Variants in ANKIB1 observed in about 807,000 individuals in gnomAD.
ANKIB1 encodes the protein ankyrin repeat and IBR domain containing 1.
A neutral mutation model predicts 122.1 loss-of-function variants in ANKIB1; 43 were observed. The ratio of observed to expected loss-of-function variants is 0.35; its 90% confidence interval spans 0.28 to 0.45. The LOEUF (loss-of-function observed/expected upper bound fraction) is 0.45. Ranked by LOEUF, ANKIB1 falls within the 20% of genes least tolerant of loss-of-function variation. The pLI is 1.00. For synonymous variants in ANKIB1, 390 were observed against 442.0 expected (o/e 0.88, Z 1.48); for missense variants, 992 against 1,329.5 (o/e 0.75, Z 3.95).
At chr7:92,377,808 GA>G (rs1240347151) in intron 11 of ANKIB1, among the ~76,000 whole-genome samples, 1 of 151,996 alleles carries the variant, frequency 6.6e-6, no homozygotes, top group African/African-American at 2.4e-5. Flanking sequence ...CATAGAAGGG[GA>G]AAAAAGTTTT....
At chr7:92,315,418 G>A (rs1415814227) in intron 3 of ANKIB1, among the ~76,000 whole-genome samples, 1 of 152,130 alleles carries the variant, frequency 6.6e-6, no homozygotes, top group Non-Finnish European at 1.5e-5. Context: ...ACATAGAGTT[G>A]ACAGCTAAAA....
At chr7:92,345,366 C>G (rs1803517451) in intron 7 of ANKIB1, among the ~76,000 whole-genome samples, 1 of 152,086 alleles carries the variant, frequency 6.6e-6, no homozygotes, top group African/African-American at 2.4e-5. Context: ...AAATTTCAGG[C>G]AAGAATCAGT....
chr7:92,383,813 C>G (rs1022698549), intron 11 of ANKIB1, among the ~76,000 whole-genome samples: 3 of 152,164 alleles, frequency 2.0e-5, no homozygotes, highest in African/African-American at 7.2e-5. Flanking sequence ...TGGAAGCATT[C>G]CCTTTGAAAA....
chr7:92,292,517 G>T (rs1802270504), intron 1 of ANKIB1, among the ~76,000 whole-genome samples: 1 of 151,930 alleles, frequency 6.6e-6, no homozygotes, highest in Non-Finnish European at 1.5e-5. Context: ...CTCAGAAAAT[G>T]TGCTATTTAT....
At chr7:92,397,578 C>A in intron 18 of ANKIB1, 145 bp from the exon 19 acceptor site, 1 of 773,728 alleles carries the variant, frequency 1.3e-6, no homozygotes, top group Non-Finnish European at 2.1e-6. Flanking sequence ...ATGAGAAATC[C>A]CAGAAAGATT....
At chr7:92,382,772 C>T (rs1041967348) in intron 11 of ANKIB1, among the ~76,000 whole-genome samples, 5 of 152,006 alleles carry the variant, frequency 3.3e-5, no homozygotes, top group Admixed American at 1.3e-4. Flanking sequence ...CACTAAATGC[C>T]CACAAGAGAA....
chr7:92,296,440 A>G (rs180759256), intron 2 of ANKIB1, among the ~76,000 whole-genome samples: 16 of 152,068 alleles, frequency 1.1e-4, no homozygotes, highest in South Asian at 4.1e-4. Context: ...TGCCCAGTCT[A>G]GTCTTGTACT....
Position 92,282,214 on chromosome 7 carries a change from C to T in ANKIB1, c.-90-12675C>T, listed in dbSNP as rs771502125. ...TGTCACCCAGACTGGAGTTGAGTGG[C>T]GCCATCTCGGTGCACCACACCCTCC... On this transcript the variant is annotated intron_variant, in intron 1 of 19. Transcript: ENST00000265742. Among the ~76,000 whole-genome samples, 6 of 152,000 alleles carry T rather than the reference C, an allele frequency of 3.9e-5. No individual in the cohort carries two copies. The South Asian group carries it at 6.2e-4, about 16-fold the overall frequency.
Position 92,258,333 on chromosome 7 carries a change from G to C in ANKIB1, c.-91+11814G>C, listed in dbSNP as rs142527380. 3.5e-4 allele frequency among the ~76,000 whole-genome samples: 53 copies of C among 152,320 alleles called. 2 individuals carry two copies. The East Asian group carries it at 9.6e-3, about 28-fold the overall frequency. On this transcript the variant is annotated intron_variant, in intron 1 of 19. Coordinates refer to ENST00000265742, the MANE Select transcript of ANKIB1 (RefSeq NM_019004.2). ...TCTACTGATAATCCTTGAGAGAATT[G>C]AGTGTTAATGTCCTAAGCCAGAGGT...
chr7:92,358,846 GACAA>G (rs1803881796), intron 9 of ANKIB1, among the ~76,000 whole-genome samples: 2 of 151,996 alleles, frequency 1.3e-5, no homozygotes, highest in Admixed American at 1.3e-4. Flanking sequence ...AGATGCAAAT[GACAA>G]ACAAGCTTTT....
In ANKIB1 at chr7:92,399,490, GTAAT is replaced by G. The variant is rs1362469369; in HGVS notation, c.*544_*547del. 3 of 152,166 alleles carry G rather than the reference GTAAT, an allele frequency of 2.0e-5. No homozygotes were observed. The highest frequency in any genetic ancestry group is 2.9e-5 in the Non-Finnish European group (2 of 68,040). The allele number at this position is 152,166 out of a possible 1,614,324, so 9.4% of individuals were successfully genotyped here. A position where few individuals can be genotyped will look rare whatever the true frequency, so the allele number is the denominator to read the frequency against. On this transcript the variant is annotated 3_prime_UTR_variant, in exon 20 of 20. Transcript: ENST00000265742. ...TCTTTAGTACCACATCTACCATAGT[GTAAT>G]TAGTTTTAATTTTCACATGAATCAA...
intron 3 of ANKIB1, among the ~76,000 whole-genome samples, chr7:92,309,940 A>ATATATATATATATATATATATATAT (rs57536267): frequency 1.9e-5 from 2 of 105,290 alleles, no homozygotes; most frequent in African/African-American, 7.7e-5. Context: ...AAAAAAAAAA[A>ATATATATATATATATATATATATAT]AAATATATAT....
intron 1 of ANKIB1, among the ~76,000 whole-genome samples, chr7:92,253,806 A>G (rs1179014753): frequency 6.6e-6 from 1 of 152,170 alleles, no homozygotes; most frequent in Non-Finnish European, 1.5e-5. Context: ...CAGTGGTAGA[A>G]TGTTTAACAG....
intron 11 of ANKIB1, among the ~76,000 whole-genome samples, chr7:92,381,003 C>A (rs1804500170): frequency 6.6e-6 from 1 of 151,982 alleles, no homozygotes; most frequent in South Asian, 2.1e-4. Flanking sequence ...AAGGTAAAAA[C>A]CTTGAAAAAA....
chr7:92,289,721 T>G (rs1414067930), intron 1 of ANKIB1, among the ~76,000 whole-genome samples: 1 of 152,238 alleles, frequency 6.6e-6, no homozygotes, highest in African/African-American at 2.4e-5. Context: ...TAATGCATGT[T>G]GACTGGGGGA....
chr7:92,308,236 T>A (rs574384751), intron 3 of ANKIB1, among the ~76,000 whole-genome samples: 46 of 152,218 alleles, frequency 3.0e-4, no homozygotes, highest in South Asian at 1.0e-3. Context: ...AGGTGAACAA[T>A]CACTTTTGTA....
At chr7:92,371,110 A>G (rs1230872754) in intron 10 of ANKIB1, among the ~76,000 whole-genome samples, 1 of 152,066 alleles carries the variant, frequency 6.6e-6, no homozygotes, top group Non-Finnish European at 1.5e-5. Flanking sequence ...ATTATTTTCT[A>G]AAGTAATTGT....
chr7:92,311,727 C>A (rs528840456), intron 3 of ANKIB1, among the ~76,000 whole-genome samples: 2 of 122,822 alleles, frequency 1.6e-5, no homozygotes, highest in South Asian at 6.1e-4. Flanking sequence ...GCCCCCCCCA[C>A]ACACACACAC....
chr7:92,391,266 A>T lies in ANKIB1; in HGVS notation c.2153A>T (p.Gln718Leu), dbSNP rs765116212. The change falls in exon 16 of 20, where the codon CAG becomes CTG. Residue 718 changes from glutamine to leucine, a missense_variant. Transcript: ENST00000265742. ...HKIIKAACLV[Q>L]QKRQEFLASV... is the part of the protein sequence containing the mutation. ...ATCATCAAAGCAGCATGCCTTGTAC[A>T]GCAGAAGAGGCAAGAATTCCTGGCA... 4 of 1,613,560 alleles carry T rather than the reference A, an allele frequency of 2.5e-6. No individual in the cohort carries two copies. The South Asian group carries it at 4.4e-5, about 18-fold the overall frequency.
Sources: allele counts gnomAD v4.1 joint callset (sites outside exome capture counted in the v4.1 genomes callset), GRCh38; gene constraint gnomAD v4.1.1; transcripts MANE v1.5; gene names NCBI Gene and HGNC (gene_info 2026-07-23, HGNC 2026-07-21).